The following WASHC5 variants were observed in gnomAD, a reference collection of about 807,000 sequenced individuals.
WASHC5 encodes the protein WASH complex subunit 5.
WASHC5 carries 101 observed loss-of-function variants against 150.4 expected under a neutral mutation model. The ratio of observed to expected loss-of-function variants is 0.67; its 90% CI spans 0.57 to 0.79. The LOEUF is 0.79. WASHC5 is among the 30% of genes least tolerant of loss of function. WASHC5 has a pLI of 0.00. For missense variants in WASHC5, 1,195 were observed against 1,396.3 expected (o/e 0.86, Z 2.30); for synonymous variants, 467 against 491.2 (o/e 0.95, Z 0.65).
At chr8:125,080,468 T>C in intron 5 of WASHC5, among the ~76,000 whole-genome samples, 1 of 152,196 alleles carries the variant, frequency 6.6e-6, no homozygotes, top group Admixed American at 6.5e-5. Flanking sequence ...AAGACTAATT[T>C]GCTGCTGAGG....
intron 3 of WASHC5, chr8:125,082,783 TAA>T: frequency 2.7e-6 from 1 of 376,264 alleles, no homozygotes. Context: ...AGAAGTGTAT[TAA>T]GAGACAGAAA....
chr8:125,057,656 G>T lies in WASHC5; in HGVS notation c.1775C>A (p.Ala592Asp). The T allele has an allele frequency of 6.2e-7, 1 of 1,607,744 alleles. No individual in the cohort carries two copies. Among genetic ancestry groups the T allele is most frequent in the Non-Finnish European group, 8.5e-7 (1 of 1,174,388 alleles). The stretch of plus-strand genomic sequence containing the variant: ...AATACGAAGAAGGGGCAGATCGAGG[G>T]CAGAGGCAAGCTGGAAGAAAAATAA... ...LRATFLKLASALDLPLLRINQ... is the reference protein window; with the variant it reads ...LRATFLKLASDLDLPLLRINQ... The change falls in exon 15 of 29, where the codon GCC becomes GAC. Residue 592 changes from alanine (A) to aspartate (D), a missense_variant. Physicochemically the swap from Ala to Asp is moderately radical, Grantham distance 126. Coordinates refer to ENST00000318410, the MANE Select transcript of WASHC5 (RefSeq NM_014846.4).
In WASHC5 at chr8:125,037,234, T is replaced by C; in HGVS notation, c.3181+3A>G. On this transcript the variant is annotated splice_donor_region_variant and intron_variant, in intron 26 of 28. Transcript: ENST00000318410. Reference sequence around the variant, plus strand: ...CATTGCAAATAATAAATGTTATACGTACCCAGATTTTTGTTGTATTGAAGT... The same window carrying C: ...CATTGCAAATAATAAATGTTATACGCACCCAGATTTTTGTTGTATTGAAGT... The C allele has an allele frequency of 1.9e-6, 3 of 1,545,082 alleles. No homozygotes were observed. Among genetic ancestry groups the C allele is most frequent in the Non-Finnish European group, 2.7e-6 (3 of 1,117,336 alleles).
intron 27 of WASHC5, among the ~76,000 whole-genome samples, chr8:125,030,448 G>A (rs574107892): frequency 6.6e-5 from 10 of 152,124 alleles, no homozygotes; most frequent in African/African-American, 2.4e-4. Context: ...TTTGTTGTTC[G>A]ATTCATTAAC....
rs758215702 is a variant in WASHC5 at position 125,076,492 on chromosome 8, C to T, written c.720G>A (p.Ala240=). 5.6e-5 allele frequency: 90 copies of T among 1,613,824 alleles called. 1 individual carries two copies. In the South Asian group the frequency reaches 6.9e-4, roughly 12 times the overall value. ...TGCTGCGATGCTCCGGCAAAGGATA[C>T]GCTGAGACCTGCAATGTCAAGACGA... ...RSDDIYNQVS[A]YPLPEHRSTA... Residue 240 remains alanine, a synonymous_variant, in exon 7 of 29, where the codon GCG becomes GCA. Transcript: ENST00000318410.
At chr8:125,043,942 C>A in intron 22 of WASHC5, 38 bp from the exon 23 acceptor site, 1 of 1,573,516 alleles carries the variant, frequency 6.4e-7, no homozygotes, top group Non-Finnish European at 8.6e-7. Flanking sequence ...TTAGTACATT[C>A]GTAAAGGCTA....
At chr8:125,083,641 G>A in intron 2 of WASHC5, 72 bp downstream of exon 2, 1 of 1,227,248 alleles carries the variant, frequency 8.1e-7, no homozygotes, top group Non-Finnish European at 1.2e-6. Context: ...ACCTTACAGA[G>A]TTTCATGGTT....
At chr8:125,048,960 T>A in intron 19 of WASHC5, 46 bp downstream of exon 19, 5 of 1,480,984 alleles carry the variant, frequency 3.4e-6, no homozygotes, top group Non-Finnish European at 3.7e-6. Context: ...ACTCTAAACA[T>A]GAGAAATAAC....
In WASHC5 at chr8:125,061,130, A is replaced by G. The variant is rs770131458; in HGVS notation, c.1473T>C (p.Ser491=). 5.6e-6 allele frequency: 9 copies of G among 1,612,826 alleles called. No homozygotes were observed. The East Asian group carries it at 2.0e-4, about 36-fold the overall frequency. Reference sequence around the variant, plus strand: ...GTACAGTTTTTCTGCCCGCAGCAGTAGAATCATCATAATTTAAAGACAATA... The same window carrying G: ...GTACAGTTTTTCTGCCCGCAGCAGTGGAATCATCATAATTTAAAGACAATA... ...KQILSLNYDD[S]TAAGRKTVQL... The change falls in exon 12 of 29, where the codon TCT becomes TCC. Residue 491 remains serine, a synonymous_variant. Coordinates refer to ENST00000318410, the MANE Select transcript of WASHC5 (RefSeq NM_014846.4).
At chr8:125,063,971 C>T (rs116238445) in intron 10 of WASHC5, among the ~76,000 whole-genome samples, 12 of 152,074 alleles carry the variant, frequency 7.9e-5, no homozygotes, top group African/African-American at 2.4e-4. Flanking sequence ...GCCAGAAATC[C>T]GCATTTTTAA....
chr8:125,043,755 C>T, intron 23 of WASHC5, 70 bp downstream of exon 23: 2 of 1,120,498 alleles, frequency 1.8e-6, no homozygotes, highest in Non-Finnish European at 2.7e-6. Flanking sequence ...TTTTGGGCAA[C>T]AAAGTTACAA....
intron 28 of WASHC5, among the ~76,000 whole-genome samples, chr8:125,026,781 A>G (rs1815389355): frequency 6.6e-6 from 1 of 152,100 alleles, no homozygotes; most frequent in African/African-American, 2.4e-5. Context: ...GTAGCACCCT[A>G]TTTTGGTTTC....
At chr8:125,066,123 T>A (rs1816737632) in intron 10 of WASHC5, among the ~76,000 whole-genome samples, 1 of 152,124 alleles carries the variant, frequency 6.6e-6, no homozygotes, top group South Asian at 2.1e-4. Flanking sequence ...AAGAACAGAG[T>A]AGGTATTCAA....
rs990658714 is a variant in WASHC5, at chr8:125,075,081, T to G, written c.895A>C (p.Asn299His). ...TAAGGTTCCCAAGCATCTACTAGATTAACTGTGATCCCCATGTAAATACTA... is the reference window on the plus strand; with the variant it reads ...TAAGGTTCCCAAGCATCTACTAGATGAACTGTGATCCCCATGTAAATACTA... ...VISIYMGITV[N>H]LVDAWEPYKA... Residue 299 changes from asparagine (N) to histidine (H), a missense_variant, in exon 8 of 29, where the codon AAT (asparagine) becomes CAT (histidine). Physicochemically the swap from Asn to His is moderately conservative, Grantham distance 68. Coordinates refer to ENST00000318410, the MANE Select transcript of WASHC5 (RefSeq NM_014846.4). 2.5e-6 allele frequency: 4 copies of G among 1,610,334 alleles called. No homozygotes were observed. In the African/African-American group the frequency reaches 5.3e-5, roughly 22 times the overall value.
intron 25 of WASHC5, among the ~76,000 whole-genome samples, chr8:125,037,930 T>C (rs1815764806): frequency 1.3e-5 from 2 of 152,166 alleles, no homozygotes; most frequent in Non-Finnish European, 2.9e-5. Context: ...GCTGGCCGAT[T>C]CCATAGGAGA....
In WASHC5 at chr8:125,037,292, T is replaced by C. The variant is rs1462300259; in HGVS notation, c.3126A>G (p.Val1042=). The C allele has an allele frequency of 1.2e-6, 2 of 1,612,604 alleles. No individual in the cohort carries two copies. Among genetic ancestry groups the C allele is most frequent in the African/African-American group, 2.7e-5 (2 of 75,018 alleles). The change falls in exon 26 of 29, where the codon GTA becomes GTG. Residue 1042 remains valine, a synonymous_variant. Coordinates refer to ENST00000318410, the MANE Select transcript of WASHC5 (RefSeq NM_014846.4). The part of the protein sequence containing the change: ...TTKRLPYFPI[V]NFLFLIAQLP... Reference sequence around the variant, plus strand: ...ACTGAGCGATCAAAAATAGAAAGTTTACAATTGGAAAATAGGGTAAGCGCT... The same window carrying C: ...ACTGAGCGATCAAAAATAGAAAGTTCACAATTGGAAAATAGGGTAAGCGCT...
At chr8:125,056,597 T>TG in intron 16 of WASHC5, 80 bp downstream of exon 16, 1 of 1,522,810 alleles carries the variant, frequency 6.6e-7, no homozygotes, top group South Asian at 1.1e-5. Flanking sequence ...CCCCAGAATA[T>TG]GGCAGGTGAC....
intron 2 of WASHC5, 31 bp from the exon 3 acceptor site, chr8:125,083,289 A>G: frequency 1.2e-6 from 2 of 1,601,828 alleles, no homozygotes; most frequent in South Asian, 1.1e-5. Context: ...TGAAATGTCA[A>G]TAAAAGCATA....
At chr8:125,044,768 A>G (rs1007674458) in intron 20 of WASHC5, 70 bp from the exon 21 acceptor site, 2 of 1,461,302 alleles carry the variant, frequency 1.4e-6, no homozygotes, top group African/African-American at 2.8e-5. Context: ...TTAGGACTCA[A>G]CAGGACATGC....
Sources: gnomAD v4.1 joint callset for allele counts (sites outside exome capture counted in the v4.1 genomes callset) on GRCh38, gnomAD v4.1.1 for gene constraint, MANE v1.5 for transcripts, NCBI Gene and HGNC (gene_info 2026-07-23, HGNC 2026-07-21) for gene names.